LRP2: variants seen among roughly 807,000 people sequenced by gnomAD.
The protein encoded by LRP2 is LDL receptor related protein 2, also known as low-density lipoprotein receptor-related protein 2.
LRP2 carries 172 observed loss-of-function variants against 531.0 expected under a neutral mutation model. That is an observed-to-expected ratio of 0.32 (90% CI 0.29 to 0.37). The LOEUF (loss-of-function observed/expected upper bound fraction) is 0.37, where lower values mean the gene tolerates loss of function less well. Among genes scored for constraint, LRP2 ranks in the 10% least tolerant of loss-of-function variants. The pLI is 1.00. For missense variants in LRP2, 5,167 were observed against 5,868.3 expected (o/e 0.88, Z 3.90); for synonymous variants, 1,992 against 2,027.6 (o/e 0.98, Z 0.47).
intron 8 of LRP2, 112 bp from the exon 9 acceptor site, chr2:169,289,257 A>G: frequency 7.2e-7 from 1 of 1,390,468 alleles, no homozygotes; most frequent in Non-Finnish European, 1.0e-6. Flanking sequence ...AAGTAGATGT[A>G]CAGAAAAATC....
intron 31 of LRP2, among the ~76,000 whole-genome samples, chr2:169,231,193 C>T (rs1689384409): frequency 6.6e-6 from 1 of 151,520 alleles, no homozygotes; most frequent in African/African-American, 2.4e-5. Flanking sequence ...ACTCAGGAGG[C>T]TGAGGTGGGA....
chr2:169,217,344 C>T (rs2105348965), intron 34 of LRP2, among the ~76,000 whole-genome samples: 1 of 152,254 alleles, frequency 6.6e-6, no homozygotes, highest in East Asian at 1.9e-4. Context: ...CAACTCTAAA[C>T]TTCTCCGCCT....
intron 16 of LRP2, among the ~76,000 whole-genome samples, chr2:169,261,649 G>A (rs951872987): frequency 6.6e-6 from 1 of 152,002 alleles, no homozygotes; most frequent in African/African-American, 2.4e-5. Context: ...ATTCACAGCC[G>A]AATTCTACCA....
chr2:169,183,512 G>A (rs1388331163), intron 50 of LRP2, among the ~76,000 whole-genome samples: 1 of 152,158 alleles, frequency 6.6e-6, no homozygotes, highest in Non-Finnish European at 1.5e-5. Context: ...CTTAGAAGGA[G>A]TTGCTATTAT....
intron 66 of LRP2, 31 bp from the exon 67 acceptor site, chr2:169,152,995 T>C (rs1686201906): frequency 2.5e-6 from 4 of 1,609,024 alleles, no homozygotes; most frequent in Non-Finnish European, 3.4e-6. Flanking sequence ...GTCAGTTTCA[T>C]GTCAAGAGCA....
rs763017770 is a variant in LRP2, at chr2:169,289,102, A to G, written c.966T>C (p.His322=). The part of the protein sequence containing the change: ...CSALNCQYQC[H]ETPYGGACFC... ...AACACGCTCCTCCATACGGCGTCTC[A>G]TGGCACTGGTACTGGCAGTTCAAGG... is the stretch of plus-strand genomic sequence containing the variant. The change falls in exon 9 of 79, where the codon CAT becomes CAC. Residue 322 remains histidine (H), a synonymous_variant. Coordinates refer to ENST00000649046, the MANE Select transcript of LRP2 (RefSeq NM_004525.3). The G allele has an allele frequency of 6.2e-7, 1 of 1,614,162 alleles. No individual in the cohort carries two copies. Among genetic ancestry groups the G allele is most frequent in the Admixed American group, 1.7e-5 (1 of 60,028 alleles).
chr2:169,138,434 T>G (rs1685596563), intron 75 of LRP2, 143 bp downstream of exon 75: 11 of 863,638 alleles, frequency 1.3e-5, no homozygotes, highest in South Asian at 6.4e-5. Context: ...AAACCTAATG[T>G]TTCCTAACTT....
At chr2:169,218,977 T>C (rs1018626108) in intron 34 of LRP2, among the ~76,000 whole-genome samples, 1 of 152,146 alleles carries the variant, frequency 6.6e-6, no homozygotes, top group Non-Finnish European at 1.5e-5. Context: ...ATTACATATT[T>C]AGGAGTTTAT....
At chr2:169,288,881 A>T in intron 9 of LRP2, 145 bp downstream of exon 9, 1 of 1,270,752 alleles carries the variant, frequency 7.9e-7, no homozygotes, top group Non-Finnish European at 1.1e-6. Flanking sequence ...CCTATTTGCC[A>T]GGTTTTCTGT....
At chr2:169,207,342 T>A (rs1231847170) in intron 38 of LRP2, 92 bp from the exon 39 acceptor site, 10 of 886,570 alleles carry the variant, frequency 1.1e-5, no homozygotes, top group African/African-American at 3.3e-5. Context: ...ATATATAAGG[T>A]TGAAGTCTGG....
At chr2:169,205,720 A>C in intron 40 of LRP2, 83 bp from the exon 41 acceptor site, 1 of 1,333,890 alleles carries the variant, frequency 7.5e-7, no homozygotes, top group Non-Finnish European at 1.1e-6. Flanking sequence ...AATATTCTTT[A>C]ATTGCAAATT....
intron 1 of LRP2, 79 bp downstream of exon 1, chr2:169,362,242 C>T: frequency 7.8e-7 from 1 of 1,287,736 alleles, no homozygotes; most frequent in South Asian, 1.3e-5. Flanking sequence ...GACGCTCTCC[C>T]CTCCGGCCTC....
chr2:169,321,137 C>G (rs750241800), intron 1 of LRP2, among the ~76,000 whole-genome samples: 1 of 152,132 alleles, frequency 6.6e-6, no homozygotes, highest in Non-Finnish European at 1.5e-5. Context: ...AGCAGTTTGA[C>G]AACACGTATC....
chr2:169,349,612 C>A (rs1191861264), intron 1 of LRP2, among the ~76,000 whole-genome samples: 1 of 152,164 alleles, frequency 6.6e-6, no homozygotes, highest in Non-Finnish European at 1.5e-5. Context: ...TTTCTTCCTG[C>A]AATCAGCTCC....
chr2:169,235,063 C>A (rs115452726), intron 29 of LRP2, among the ~76,000 whole-genome samples: 6,263 of 151,482 alleles, frequency 0.041, 337 homozygotes, highest in African/African-American at 0.13. Flanking sequence ...GGCAAACACC[C>A]CCATGCCCAG....
At chr2:169,136,623 C>T (rs1162575585) in intron 76 of LRP2, among the ~76,000 whole-genome samples, 5 of 147,704 alleles carry the variant, frequency 3.4e-5, no homozygotes, top group Non-Finnish European at 6.0e-5. Context: ...AAAAACTCCC[C>T]CCCACTGAGC....
intron 4 of LRP2, among the ~76,000 whole-genome samples, chr2:169,297,079 C>G (rs181488781): frequency 1.3e-5 from 2 of 152,284 alleles, no homozygotes; most frequent in African/African-American, 4.8e-5. Flanking sequence ...CCTAACTCCA[C>G]CAAATACTGA....
chr2:169,157,343 A>C, intron 64 of LRP2, 28 bp downstream of exon 64: 1 of 1,611,624 alleles, frequency 6.2e-7, no homozygotes, highest in Middle Eastern at 1.7e-4. Context: ...AGTTCACCTA[A>C]ACAGGAATTG....
At chr2:169,303,188 T>TA (rs938858279) in intron 4 of LRP2, among the ~76,000 whole-genome samples, 32 of 151,892 alleles carry the variant, frequency 2.1e-4, no homozygotes, top group African/African-American at 6.0e-4. Flanking sequence ...TTGTATATGT[T>TA]AAAAAAAACC....
Sources: gnomAD v4.1 joint callset for allele counts (sites outside exome capture counted in the v4.1 genomes callset) on GRCh38, gnomAD v4.1.1 for gene constraint, MANE v1.5 for transcripts, NCBI Gene and HGNC (gene_info 2026-07-23, HGNC 2026-07-21) for gene names.